DUSP2: variants seen among roughly 807,000 people sequenced by gnomAD.
The protein encoded by DUSP2 is dual specificity protein phosphatase 2.
Under a neutral mutation model 23.3 loss-of-function variants are expected in DUSP2, and 20 were observed. That is an observed-to-expected ratio of 0.86 (90% confidence interval 0.60 to 1.25). The LOEUF (loss-of-function observed/expected upper bound fraction) is 1.25, where lower values mean the gene tolerates loss of function less well. Among genes scored for constraint, DUSP2 ranks in the 50% most tolerant of loss-of-function variants. DUSP2 has a pLI of 0.00. For synonymous variants in DUSP2, 231 were observed against 209.7 expected, an observed-to-expected ratio of 1.10 and a Z score of -0.88; for missense variants, 435 against 452.6, an observed-to-expected ratio of 0.96 and a Z score of 0.35.
Position 96,143,698 on chromosome 2 carries a change from T to A in DUSP2, c.*125A>T. ...CCTAGAGCCCCCATGTGGGGGCTTC[T>A]GAAACTCTGAGGAGGTAGCAGCCCT... On this transcript the variant is annotated 3_prime_UTR_variant, in exon 4 of 4. Coordinates refer to ENST00000288943, the MANE Select transcript of DUSP2 (RefSeq NM_004418.4). 8.5e-7 allele frequency: 1 copy of A among 1,179,376 alleles called. No individual in the cohort carries two copies. The highest frequency in any genetic ancestry group is 1.2e-6 in the Non-Finnish European group (1 of 847,550). The allele number at this position is 1,179,376 out of a possible 1,614,324, so 73.1% of individuals were successfully genotyped here. A position where few individuals can be genotyped will look rare whatever the true frequency, so the allele number is the denominator to read the frequency against.
At position 96,145,011 on chromosome 2, in the gene DUSP2, A is replaced by AC; in HGVS notation, c.343_344insG (p.Leu115ArgfsTer31). 6.5e-7 allele frequency: 1 copy of AC among 1,540,630 alleles called. No individual in the cohort carries two copies. The highest frequency in any genetic ancestry group is 1.7e-4 in the Middle Eastern group (1 of 5,968). ...AGTGGGCCCCGCGCGGGTCTCGTGC[A>AC]GCAGCGCGGCCAGCAGCACATGAGC... On this transcript the variant is annotated frameshift_variant, in exon 1 of 4. Coordinates refer to ENST00000288943, the MANE Select transcript of DUSP2 (RefSeq NM_004418.4). LOFTEE classifies it high-confidence loss of function.
At position 96,143,896 on chromosome 2, in the gene DUSP2, C is replaced by A. The variant is rs760580274; in HGVS notation, c.872G>T (p.Arg291Leu). The change falls in exon 4 of 4, where the codon CGG becomes CTG. Residue 291 changes from arginine (R) to leucine (L), a missense_variant. By Grantham distance (102) the Arg-to-Leu change is moderately radical. Transcript: ENST00000288943. Reference sequence around the variant, plus strand: ...ACTGAAGTTGGGGGAGATGACCCCCCGGCGCTGCTTAACGAAGTCAAAGGC... The same window carrying A: ...ACTGAAGTTGGGGGAGATGACCCCCAGGCGCTGCTTAACGAAGTCAAAGGC... ...DEAFDFVKQR[R>L]GVISPNFSFM... 4 of 1,613,758 alleles carry A rather than the reference C, an allele frequency of 2.5e-6. No homozygotes were observed. Among genetic ancestry groups the A allele is most frequent in the Non-Finnish European group, 3.4e-6 (4 of 1,180,028 alleles).
At position 96,145,421 on chromosome 2, in the gene DUSP2, C is replaced by A; in HGVS notation, c.-67G>T. On this transcript the variant is annotated 5_prime_UTR_variant, in exon 1 of 4. Coordinates refer to ENST00000288943, the MANE Select transcript of DUSP2 (RefSeq NM_004418.4). ...GTCCCGGGCTCTCGTGGCGGTGGCG[C>A]TGCCCGAGCGGTCGACTCCGGGCGC... The A allele has an allele frequency of 7.8e-7, 1 of 1,281,188 alleles. No homozygotes were observed. Among genetic ancestry groups the A allele is most frequent in the Non-Finnish European group, 9.9e-7 (1 of 1,010,288 alleles). 79.4% of individuals were successfully genotyped at this position (1,281,188 alleles called of 1,614,324 possible).
At chr2:96,144,447 C>T in intron 2 of DUSP2, 74 bp from the exon 3 acceptor site, 3 of 1,487,940 alleles carry the variant, frequency 2.0e-6, no homozygotes, top group Non-Finnish European at 1.8e-6. Flanking sequence ...GGGTGGAGAC[C>T]CCATGGGCTG....
chr2:96,145,286 C>G lies in DUSP2; in HGVS notation c.69G>C (p.Glu23Asp). The change falls in exon 1 of 4, where the codon GAG (glutamate) becomes GAC (aspartate). Residue 23 changes from glutamate (E) to aspartate (D), a missense_variant. Glu to Asp is a conservative substitution (Grantham distance 45). Coordinates refer to ENST00000288943, the MANE Select transcript of DUSP2 (RefSeq NM_004418.4). ...AGTCCAGCAGCAGCGTGCGTTCCGC[C>G]TCCCGCGGATCCCGCAGCAGCGTGC... ...ALGTLLRDPR[E>D]AERTLLLDCR... 1 of 1,363,326 alleles carries G rather than the reference C, an allele frequency of 7.3e-7. No homozygotes were observed. The highest frequency in any genetic ancestry group is 9.4e-7 in the Non-Finnish European group (1 of 1,062,350). 84.5% of individuals were successfully genotyped at this position (1,363,326 alleles called of 1,614,324 possible).
chr2:96,145,434 C>G lies in DUSP2; in HGVS notation c.-80G>C. On this transcript the variant is annotated 5_prime_UTR_variant, in exon 1 of 4. Transcript: ENST00000288943. The stretch of plus-strand genomic sequence containing the variant: ...GTGGCGGTGGCGCTGCCCGAGCGGT[C>G]GACTCCGGGCGCCCTCCGCGGCGGC... The G allele has an allele frequency of 8.1e-7, 1 of 1,238,816 alleles. No homozygotes were observed. Among genetic ancestry groups the G allele is most frequent in the Non-Finnish European group, 1.0e-6 (1 of 975,672 alleles). 76.7% of individuals were successfully genotyped at this position (1,238,816 alleles called of 1,614,324 possible). A position where few individuals can be genotyped will look rare whatever the true frequency, so the allele number is the denominator to read the frequency against.
Position 96,143,837 on chromosome 2 carries a change from C to G in DUSP2, c.931G>C (p.Val311Leu). ...MGQLLQFETQ[V>L]LCH ...GGGGCACCACCTCAGTGACACAGCA[C>G]CTGGGTCTCAAACTGCAGCAGCTGC... The change falls in exon 4 of 4, where the codon GTG (valine) becomes CTG (leucine). Residue 311 changes from valine (V) to leucine (L), a missense_variant. Transcript: ENST00000288943. 1 of 1,613,210 alleles carries G rather than the reference C, an allele frequency of 6.2e-7. No individual in the cohort carries two copies. The highest frequency in any genetic ancestry group is 8.5e-7 in the Non-Finnish European group (1 of 1,180,020).
chr2:96,144,644 A>T (rs1682469761), intron 2 of DUSP2, 117 bp downstream of exon 2: 1 of 984,542 alleles, frequency 1.0e-6, no homozygotes, highest in Non-Finnish European at 1.5e-6. Context: ...CACACGTATA[A>T]AAGTGTGTGT....
intron 1 of DUSP2, 28 bp downstream of exon 1, chr2:96,144,939 G>A: frequency 6.5e-7 from 1 of 1,548,714 alleles, no homozygotes; most frequent in Non-Finnish European, 8.7e-7. Flanking sequence ...GTCGGGTGGG[G>A]CGGGCCAAGG....
In DUSP2 at chr2:96,145,213, G is replaced by T. The variant is rs1682491193; in HGVS notation, c.142C>A (p.Pro48Thr). 1 of 1,273,250 alleles carries T rather than the reference G, an allele frequency of 7.9e-7. No homozygotes were observed. The highest frequency in any genetic ancestry group is 9.8e-7 in the Non-Finnish European group (1 of 1,016,848). 78.9% of individuals were successfully genotyped at this position (1,273,250 alleles called of 1,614,324 possible). Residue 48 changes from proline to threonine, a missense_variant, in exon 1 of 4, where the codon CCA becomes ACA. Coordinates refer to ENST00000288943, the MANE Select transcript of DUSP2 (RefSeq NM_004418.4). The stretch of plus-strand genomic sequence containing the variant: ...CGCAGCAGCGCGTTCCAAGGCACTG[G>T]CCGCGCGGCGCGCACGTGGCGCCGG... ...FCRRHVRAAR[P>T]VPWNALLRRR...
At chr2:96,144,534 A>G in intron 2 of DUSP2, 161 bp from the exon 3 acceptor site, 1 of 756,958 alleles carries the variant, frequency 1.3e-6, no homozygotes. Flanking sequence ...ACACACCGGG[A>G]CATACATTTC....
At chr2:96,144,543 T>G (rs148997852) in intron 2 of DUSP2, 170 bp from the exon 3 acceptor site, 1 of 743,184 alleles carries the variant, frequency 1.3e-6, no homozygotes, top group African/African-American at 1.8e-5. Context: ...GACATACATT[T>G]CCCTTCATGC....
In DUSP2 at chr2:96,143,653, A is replaced by G. The variant is rs1682444057; in HGVS notation, c.*170T>C. 2.5e-6 allele frequency: 2 copies of G among 792,826 alleles called. No individual in the cohort carries two copies. The highest frequency in any genetic ancestry group is 4.0e-6 in the Non-Finnish European group (2 of 504,970). 49.1% of individuals were successfully genotyped at this position (792,826 alleles called of 1,614,324 possible). A position where few individuals can be genotyped will look rare whatever the true frequency, so the allele number is the denominator to read the frequency against. ...CCCAGCAGAAGAGCACCAGGTCGGA[A>G]AGACCAGCATGCCGGCATTCCTAGA... is the stretch of plus-strand genomic sequence containing the variant. On this transcript the variant is annotated 3_prime_UTR_variant, in exon 4 of 4. Transcript: ENST00000288943.
intron 2 of DUSP2, 55 bp from the exon 3 acceptor site, chr2:96,144,428 AG>A: frequency 6.4e-7 from 1 of 1,571,164 alleles, no homozygotes; most frequent in African/African-American, 1.3e-5. Context: ...GGAGAGCTGG[AG>A]CAGCAGCGGG....
At position 96,144,811 on chromosome 2, in the gene DUSP2, T is replaced by C. The variant is rs951044679; in HGVS notation, c.460A>G (p.Thr154Ala). 1.9e-6 allele frequency: 3 copies of C among 1,577,240 alleles called. No individual in the cohort carries two copies. Among genetic ancestry groups the C allele is most frequent in the African/African-American group, 1.3e-5 (1 of 74,314 alleles). Reference protein sequence around the residue: ...SEAPAPALPPTGDKTSRSDSR... With the variant: ...SEAPAPALPPAGDKTSRSDSR... ...TCGGAGCGGCTGGTTTTGTCCCCTG[T>C]TGGCGGCAGCGCAGGGGCGGGGGCC... Residue 154 changes from threonine (T) to alanine (A), a missense_variant, in exon 2 of 4, where the codon ACA becomes GCA. Thr to Ala is a moderately conservative substitution (Grantham distance 58). Transcript: ENST00000288943.
In DUSP2 at chr2:96,145,140, G is replaced by C. The variant is rs1174322624; in HGVS notation, c.215C>G (p.Pro72Arg). The change falls in exon 1 of 4, where the codon CCC (proline) becomes CGC (arginine). Residue 72 changes from proline (P) to arginine (R), a missense_variant. Physicochemically the swap from Pro to Arg is moderately radical, Grantham distance 103. Coordinates refer to ENST00000288943, the MANE Select transcript of DUSP2 (RefSeq NM_004418.4). Reference sequence around the variant, plus strand: ...CAGGCGCGTCCGCAGCGCGCGGTCGGGCAGCAGGCAGGCGAGAACGGCGGC... The same window carrying C: ...CAGGCGCGTCCGCAGCGCGCGGTCGCGCAGCAGGCAGGCGAGAACGGCGGC... ...PPAAVLACLL[P>R]DRALRTRLVR... The C allele has an allele frequency of 3.7e-6, 5 of 1,344,586 alleles. No individual in the cohort carries two copies. Among genetic ancestry groups the C allele is most frequent in the Non-Finnish European group, 4.7e-6 (5 of 1,056,660 alleles). 83.3% of individuals were successfully genotyped at this position (1,344,586 alleles called of 1,614,324 possible). A position where few individuals can be genotyped will look rare whatever the true frequency, so the allele number is the denominator to read the frequency against.
At position 96,145,183 on chromosome 2, in the gene DUSP2, G is replaced by A; in HGVS notation, c.172C>T (p.Arg58Cys). Reference protein sequence around the residue: ...PVPWNALLRRRARGPPAAVLA... With the variant: ...PVPWNALLRRCARGPPAAVLA... ...ACGGCGGCAGGAGGGCCGCGCGCGC[G>A]GCGCCGCAGCAGCGCGTTCCAAGGC... Residue 58 changes from arginine to cysteine, a missense_variant, in exon 1 of 4, where the codon CGC (arginine) becomes TGC (cysteine). Arg to Cys is a radical substitution (Grantham distance 180). Transcript: ENST00000288943. 7.8e-7 allele frequency: 1 copy of A among 1,289,178 alleles called. No individual in the cohort carries two copies. Among genetic ancestry groups the A allele is most frequent in the Non-Finnish European group, 9.8e-7 (1 of 1,023,818 alleles). 79.9% of individuals were successfully genotyped at this position (1,289,178 alleles called of 1,614,324 possible). A position where few individuals can be genotyped will look rare whatever the true frequency, so the allele number is the denominator to read the frequency against.
chr2:96,144,256 G>C lies in DUSP2; in HGVS notation c.628C>G (p.Pro210Ala). Residue 210 changes from proline (P) to alanine (A), a missense_variant, in exon 3 of 4, where the codon CCC (proline) becomes GCC (alanine). Pro to Ala is a conservative substitution (Grantham distance 27, BLOSUM62 -1). Coordinates refer to ENST00000288943, the MANE Select transcript of DUSP2 (RefSeq NM_004418.4). ...CGGAAAAGGCCCTCAAAGTGGTTGGGGCAGCTGGCGGACACGTTGAGGACG... is the reference window on the plus strand; with the variant it reads ...CGGAAAAGGCCCTCAAAGTGGTTGGCGCAGCTGGCGGACACGTTGAGGACG... ...TAVLNVSASC[P>A]NHFEGLFRYK... 1 of 1,614,012 alleles carries C rather than the reference G, an allele frequency of 6.2e-7. No homozygotes were observed. The highest frequency in any genetic ancestry group is 8.5e-7 in the Non-Finnish European group (1 of 1,180,028).
At position 96,144,999 on chromosome 2, in the gene DUSP2, C is replaced by T. The variant is rs901971112; in HGVS notation, c.356G>A (p.Arg119His). ...VLLAALLHET[R>H]AGPTAVYFLR... ...GAAGTACACGGCAGTGGGCCCCGCG[C>T]GGGTCTCGTGCAGCAGCGCGGCCAG... Residue 119 changes from arginine to histidine, a missense_variant, in exon 1 of 4, where the codon CGC (arginine) becomes CAC (histidine). Transcript: ENST00000288943. The T allele has an allele frequency of 2.6e-6, 4 of 1,542,840 alleles. No homozygotes were observed. Among genetic ancestry groups the T allele is most frequent in the Non-Finnish European group, 3.5e-6 (4 of 1,149,982 alleles).
Sources: allele counts gnomAD v4.1 joint callset, GRCh38; gene constraint gnomAD v4.1.1; transcripts MANE v1.5; gene names NCBI Gene and HGNC (gene_info 2026-07-23, HGNC 2026-07-21).